The following SIX4 variants were observed in gnomAD, a reference collection of about 807,000 sequenced individuals.
The protein encoded by SIX4 is SIX homeobox 4.
SIX4 carries 23 observed loss-of-function variants against 51.5 expected under a neutral mutation model. The ratio of observed to expected loss-of-function variants is 0.45; its 90% CI spans 0.32 to 0.63. The LOEUF (loss-of-function observed/expected upper bound fraction) is 0.63. Among genes scored for constraint, SIX4 ranks in the 30% least tolerant of loss-of-function variants. The probability of loss-of-function intolerance (pLI) is 0.04; values close to 1 mark genes in which losing one functional copy is unlikely to be tolerated. For synonymous variants in SIX4, 413 were observed against 417.3 expected (o/e 0.99, Z 0.13); for missense variants, 867 against 984.0 (o/e 0.88, Z 1.59).
rs376826034 is a variant in SIX4, at chr14:60,717,318, C to T, written c.1549+2442G>A. Among the ~76,000 whole-genome samples the T allele has an allele frequency of 2.0e-5, 3 of 152,154 alleles. No individual in the cohort carries two copies. The highest frequency in any genetic ancestry group is 2.1e-4 in the South Asian group (1 of 4,826). Reference sequence around the variant, plus strand: ...AACTCCTGACCTCAGGTGATCCACCCGCCTTAGCCTCCTAAAGTGCTGGGA... The same window carrying T: ...AACTCCTGACCTCAGGTGATCCACCTGCCTTAGCCTCCTAAAGTGCTGGGA... On this transcript the variant is annotated intron_variant, in intron 2 of 2. Transcript: ENST00000216513. The surrounding 1 kb of genome is among the most constrained non-coding windows in gnomAD (Gnocchi z 4.6).
At position 60,720,368 on chromosome 14, in the gene SIX4, C is replaced by CT; in HGVS notation, c.940dup (p.Ser314LysfsTer4). ...GAGGTTGGTGATGCCATCAGATGAA[C>CT]TGGAGAGTGGGTGAGGAGATAAATC... On this transcript the variant is annotated frameshift_variant, in exon 2 of 3. Transcript: ENST00000216513. LOFTEE classifies it high-confidence loss of function. The surrounding 1 kb of genome is among the most constrained non-coding windows in gnomAD (Gnocchi z 5.5). 6.2e-7 allele frequency: 1 copy of CT among 1,614,138 alleles called. No individual in the cohort carries two copies. The highest frequency in any genetic ancestry group is 8.5e-7 in the Non-Finnish European group (1 of 1,180,022).
rs1187760439 is a variant in SIX4, at chr14:60,723,589, G to A, written c.486C>T (p.Tyr162=). Residue 162 remains tyrosine, a synonymous_variant, in exon 1 of 3, where the codon TAC becomes TAT. Transcript: ENST00000216513. ...RALVAFHQGI[Y]PELYSILESH... ...TCTCGAGGATGCTGTAGAGCTCGGG[G>A]TAGATGCCCTGGTGGAAGGCCACGA... 6.2e-7 allele frequency: 1 copy of A among 1,611,298 alleles called. No individual in the cohort carries two copies. The highest frequency in any genetic ancestry group is 8.5e-7 in the Non-Finnish European group (1 of 1,179,414).
rs536963550 is a variant in SIX4 at position 60,719,081 on chromosome 14, C to T, written c.1549+679G>A. Among the ~76,000 whole-genome samples the T allele has an allele frequency of 5.2e-4, 79 of 152,266 alleles. No homozygotes were observed. In the South Asian group the frequency reaches 7.9e-3, roughly 15 times the overall value. The stretch of plus-strand genomic sequence containing the variant: ...GAACTAATATATCAGCCTCAGTTTT[C>T]CTGAATTTCATTTAAGTGCTTTCTC... On this transcript the variant is annotated intron_variant, in intron 2 of 2. Transcript: ENST00000216513. This position sits in a 1 kb window ranked among gnomAD's most constrained non-coding sequence, Gnocchi z 4.9.
rs1044186320 is a variant in SIX4, at chr14:60,713,428, A to G, written c.2325T>C (p.Asp775=). The G allele has an allele frequency of 2.2e-5, 35 of 1,601,110 alleles. No homozygotes were observed. The highest frequency in any genetic ancestry group is 3.0e-5 in the Non-Finnish European group (35 of 1,174,802). The change falls in exon 3 of 3, where the codon GAT becomes GAC. Residue 775 remains aspartate (D), a synonymous_variant. Coordinates refer to ENST00000216513, the MANE Select transcript of SIX4 (RefSeq NM_017420.5). ...ELAKLQTVQL[D]EDMQDL The stretch of plus-strand genomic sequence containing the variant: ...AAGTTCATAAGTCTTGCATATCTTC[A>G]TCCAGCTGGACAGTCTGGAGCTTGG...
chr14:60,723,061 C>T, intron 1 of SIX4, 151 bp downstream of exon 1: 3 of 1,407,256 alleles, frequency 2.1e-6, no homozygotes, highest in Non-Finnish European at 2.8e-6. Context: ...CTCTGCCGGC[C>T]GGGGAGCGAG....
At position 60,720,034 on chromosome 14, in the gene SIX4, C is replaced by A. The variant is rs1895992887; in HGVS notation, c.1275G>T (p.Gln425His). The change falls in exon 2 of 3, where the codon CAG (glutamine) becomes CAT (histidine). Residue 425 changes from glutamine (Q) to histidine (H), a missense_variant. By Grantham distance (24) the Gln-to-His change is conservative (BLOSUM62 0). Coordinates refer to ENST00000216513, the MANE Select transcript of SIX4 (RefSeq NM_017420.5). The surrounding 1 kb of genome is among the most constrained non-coding windows in gnomAD (Gnocchi z 5.5). The part of the protein sequence containing the change: ...SQDVKEFKVL[Q>H]SSANSATTTS... ...TGGTGGTTGCTGAGTTAGCAGAACT[C>A]TGGAGGACTTTGAATTCCTTCACGT... is the stretch of plus-strand genomic sequence containing the variant. 6.2e-7 allele frequency: 1 copy of A among 1,614,090 alleles called. No individual in the cohort carries two copies. The highest frequency in any genetic ancestry group is 8.5e-7 in the Non-Finnish European group (1 of 1,180,046).
intron 2 of SIX4, 119 bp from the exon 3 acceptor site, chr14:60,714,322 AT>A: frequency 2.4e-6 from 2 of 847,242 alleles, no homozygotes; most frequent in Non-Finnish European, 3.5e-6. Context: ...CCATACAATC[AT>A]TTAGCCCAAT....
At position 60,723,775 on chromosome 14, in the gene SIX4, G is replaced by A. The variant is rs1353718709; in HGVS notation, c.300C>T (p.Ala100=). ...LLGRHHHAAA[A]AAQTPLAFSP... is the part of the protein sequence containing the mutation. ...AGAAGGCCAGCGGGGTCTGCGCGGC[G>A]GCGGCGGCGGCGTGGTGGTGCCTGC... is the stretch of plus-strand genomic sequence containing the variant. Residue 100 remains alanine, a synonymous_variant, in exon 1 of 3, where the codon GCC becomes GCT. Transcript: ENST00000216513. 1.3e-6 allele frequency: 2 copies of A among 1,536,966 alleles called. No homozygotes were observed. The highest frequency in any genetic ancestry group is 2.5e-5 in the East Asian group (1 of 40,812).
At chr14:60,714,791 A>G (rs144577741) in intron 2 of SIX4, among the ~76,000 whole-genome samples, 4,616 of 151,024 alleles carry the variant, frequency 0.031, 196 homozygotes, top group African/African-American at 0.099. Context: ...TCAGCCTCCC[A>G]AGTAGCTGTG....
Position 60,723,391 on chromosome 14 carries a change from A to G in SIX4, c.684T>C (p.Tyr228=), listed in dbSNP as rs1376398723. Residue 228 remains tyrosine, a synonymous_variant, in exon 1 of 3, where the codon TAT becomes TAC. Transcript: ENST00000216513. ...RTIWDGEETV[Y]CFKEKSRNAL... is the part of the protein sequence containing the mutation. The stretch of plus-strand genomic sequence containing the variant: ...CGTTGCGCGACTTCTCCTTGAAACA[A>G]TACACCGTCTCCTCGCCGTCCCAGA... The G allele has an allele frequency of 1.2e-6, 2 of 1,611,764 alleles. No homozygotes were observed. Among genetic ancestry groups the G allele is most frequent in the Admixed American group, 1.7e-5 (1 of 59,986 alleles).
At position 60,711,119 on chromosome 14, in the gene SIX4, C is replaced by T. The variant is rs1350829955; in HGVS notation, c.*2288G>A. 1.3e-5 allele frequency: 2 copies of T among 151,986 alleles called. No individual in the cohort carries two copies. The highest frequency in any genetic ancestry group is 4.8e-5 in the African/African-American group (2 of 41,242). The allele number at this position is 151,986 out of a possible 1,614,324, so 9.4% of individuals were successfully genotyped here. On this transcript the variant is annotated 3_prime_UTR_variant, in exon 3 of 3. Transcript: ENST00000216513. ...ATATCTGCAGCAATCAAGTGGAAAA[C>T]ATCATTTTTATGTAAACTACACTGC...
intron 2 of SIX4, among the ~76,000 whole-genome samples, chr14:60,718,469 T>C (rs1000205824): frequency 3.3e-5 from 5 of 152,218 alleles, no homozygotes; most frequent in African/African-American, 1.2e-4. Context: ...ACATAACTCA[T>C]TCTTTCTGCT....
In SIX4 at chr14:60,720,493, A is replaced by G. The variant is rs1200048367; in HGVS notation, c.864-48T>C. 6.5e-7 allele frequency: 1 copy of G among 1,534,818 alleles called. No individual in the cohort carries two copies. ...ATGTTCAGAAGGTCAGGGGGATGAC[A>G]TTCTACACAGTGCCACTTGTTTGGA... is the stretch of plus-strand genomic sequence containing the variant. On this transcript the variant is annotated intron_variant, in intron 1 of 2. Transcript: ENST00000216513. This position sits in a 1 kb window ranked among gnomAD's most constrained non-coding sequence, Gnocchi z 5.5.
In SIX4 at chr14:60,723,872, T is replaced by C. The variant is rs754730355; in HGVS notation, c.203A>G (p.Glu68Gly). ...AATAAARVSG[E>G]EGAVAAAAAG... ...CGCCGCCGCCGCCACTGCCCCTTCC[T>C]CTCCGCTCACCCTGGCGGCAGCGGT... The change falls in exon 1 of 3, where the codon GAG becomes GGG. Residue 68 changes from glutamate to glycine, a missense_variant. Transcript: ENST00000216513. The C allele has an allele frequency of 1.3e-6, 2 of 1,544,556 alleles. No individual in the cohort carries two copies. Among genetic ancestry groups the C allele is most frequent in the South Asian group, 2.4e-5 (2 of 82,956 alleles).
chr14:60,714,746 A>C (rs1380362594), intron 2 of SIX4, among the ~76,000 whole-genome samples: 1 of 151,088 alleles, frequency 6.6e-6, no homozygotes, highest in East Asian at 1.9e-4. Context: ...GCTCATTGCA[A>C]CCTCTGCCTC....
chr14:60,723,047 C>T lies in SIX4; in HGVS notation c.863+165G>A. The T allele has an allele frequency of 2.1e-6, 3 of 1,412,086 alleles. No homozygotes were observed. In the South Asian group the frequency reaches 4.7e-5, roughly 22 times the overall value. The allele number at this position is 1,412,086 out of a possible 1,614,324, so 87.5% of individuals were successfully genotyped here. On this transcript the variant is annotated intron_variant, in intron 1 of 2. Transcript: ENST00000216513. ...CCCCGCCCCCCGCCTCCGCCGCCCC[C>T]TACCTCTGCCGGCCGGGGAGCGAGG...
chr14:60,714,874 C>T (rs1895893242), intron 2 of SIX4, among the ~76,000 whole-genome samples: 1 of 151,366 alleles, frequency 6.6e-6, no homozygotes. Context: ...CCATGTTGGC[C>T]AGGATAGTCT....
rs1271315645 is a variant in SIX4, at chr14:60,711,964, C to G, written c.*1443G>C. ...TCTTGTGTTCAGAGTCTTGATAAAACTATAGCCACGGCTTACAACATTATT... is the reference window on the plus strand; with the variant it reads ...TCTTGTGTTCAGAGTCTTGATAAAAGTATAGCCACGGCTTACAACATTATT... On this transcript the variant is annotated 3_prime_UTR_variant, in exon 3 of 3. Transcript: ENST00000216513. The G allele has an allele frequency of 1.3e-5, 2 of 152,580 alleles. No homozygotes were observed. The highest frequency in any genetic ancestry group is 2.9e-5 in the Non-Finnish European group (2 of 68,030). The allele number at this position is 152,580 out of a possible 1,614,324, so 9.5% of individuals were successfully genotyped here.
Position 60,722,806 on chromosome 14 carries a change from G to A in SIX4, c.863+406C>T, listed in dbSNP as rs533772821. ...ACCCCGGCCGGCGCCGGCAGTCTCT[G>A]CGGGCCTCGGGCGGCAGGGAGAGCT... On this transcript the variant is annotated intron_variant, in intron 1 of 2. Coordinates refer to ENST00000216513, the MANE Select transcript of SIX4 (RefSeq NM_017420.5). This position sits in a 1 kb window ranked among gnomAD's most constrained non-coding sequence, Gnocchi z 5.9. 2.0e-3 allele frequency among the ~76,000 whole-genome samples: 305 copies of A among 152,148 alleles called. 2 individuals are homozygous for A. Among genetic ancestry groups the A allele is most frequent in the African/African-American group, 7.1e-3 (294 of 41,552 alleles).
Sources: allele counts gnomAD v4.1 joint callset (sites outside exome capture counted in the v4.1 genomes callset), GRCh38; gene constraint gnomAD v4.1.1; non-coding constraint Gnocchi (gnomAD v3.1); transcripts MANE v1.5; gene names NCBI Gene and HGNC (gene_info 2026-07-23, HGNC 2026-07-21).